ZC3H7B: variants seen among roughly 807,000 people sequenced by gnomAD.
ZC3H7B encodes the protein zinc finger CCCH-type containing 7B, also known as zinc finger CCCH domain-containing protein 7B.
Under a neutral mutation model 116.0 loss-of-function variants are expected in ZC3H7B, and 35 were observed. The ratio of observed to expected loss-of-function variants is 0.30; its 90% CI spans 0.23 to 0.40. The LOEUF (loss-of-function observed/expected upper bound fraction) is 0.40. Ranked by LOEUF, ZC3H7B falls within the 10% of genes least tolerant of loss-of-function variation. ZC3H7B has a pLI of 1.00. For synonymous variants in ZC3H7B, 502 were observed against 545.6 expected, an observed-to-expected ratio of 0.92 and a Z score of 1.11; for missense variants, 1,011 against 1,321.5, an observed-to-expected ratio of 0.77 and a Z score of 3.64.
chr22:41,314,724 C>T (rs886399222), intron 1 of ZC3H7B, among the ~76,000 whole-genome samples: 2 of 151,706 alleles, frequency 1.3e-5, no homozygotes, highest in Admixed American at 1.3e-4. Context: ...ATTCTTCTGC[C>T]TCAGCCTCCC....
rs1412821571 is a variant in ZC3H7B, at chr22:41,325,702, C to T, written c.88-19C>T. The stretch of plus-strand genomic sequence containing the variant: ...GGGGCCAGAGGTCATGAGCCCCCTA[C>T]ACACCTTGCCCCCAACAGGCCTTTC... On this transcript the variant is annotated intron_variant, in intron 3 of 22. Coordinates refer to ENST00000352645, the MANE Select transcript of ZC3H7B (RefSeq NM_017590.6). 2 of 1,610,244 alleles carry T rather than the reference C, an allele frequency of 1.2e-6. No individual in the cohort carries two copies. Among genetic ancestry groups the T allele is most frequent in the Admixed American group, 1.7e-5 (1 of 59,130 alleles).
Position 41,359,328 on chromosome 22 carries a change from A to G in ZC3H7B, c.*1899A>G, listed in dbSNP as rs2036759347. 6.6e-6 allele frequency: 1 copy of G among 152,498 alleles called. No individual in the cohort carries two copies. The allele number at this position is 152,498 out of a possible 1,614,324, so 9.4% of individuals were successfully genotyped here. Reference sequence around the variant, plus strand: ...TATATCGCTCTATATAATATTATATATGTGTGTGGTATCCAAGGAATCACT... The same window carrying G: ...TATATCGCTCTATATAATATTATATGTGTGTGTGGTATCCAAGGAATCACT... On this transcript the variant is annotated 3_prime_UTR_variant, in exon 23 of 23. Transcript: ENST00000352645.
At chr22:41,352,761 C>G (rs1331776179) in intron 17 of ZC3H7B, among the ~76,000 whole-genome samples, 1 of 151,488 alleles carries the variant, frequency 6.6e-6, no homozygotes, top group East Asian at 1.9e-4. Context: ...GACTCCGTCT[C>G]AAAAAATAAA....
In ZC3H7B at chr22:41,302,239, C is replaced by T. The variant is rs1018969479; in HGVS notation, c.-7+467C>T. Among the ~76,000 whole-genome samples, 1 of 151,622 alleles carries T rather than the reference C, an allele frequency of 6.6e-6. No individual in the cohort carries two copies. Among genetic ancestry groups the T allele is most frequent in the African/African-American group, 2.4e-5 (1 of 41,308 alleles). On this transcript the variant is annotated intron_variant, in intron 1 of 22. Transcript: ENST00000352645. The surrounding 1 kb of genome is among the most constrained non-coding windows in gnomAD (Gnocchi z 5.7). ...CCCTTCCTTTTGTGTTGTCCTTGGC[C>T]CCGCAGCACCCGGAGTTGGAGGGGC...
chr22:41,349,174 G>A lies in ZC3H7B; in HGVS notation c.1821G>A (p.Gln607=). The A allele has an allele frequency of 6.2e-7, 1 of 1,613,908 alleles. No individual in the cohort carries two copies. Among genetic ancestry groups the A allele is most frequent in the Non-Finnish European group, 8.5e-7 (1 of 1,180,024 alleles). The part of the protein sequence containing the change: ...STSLKYSKIR[Q]FQEHFQFDVC... ...CCCTCAAGTACTCCAAGATCCGCCA[G>A]TTCCAGGAGCACTTCCAGTTCGACG... Residue 607 remains glutamine, a synonymous_variant, in exon 16 of 23, where the codon CAG becomes CAA. Coordinates refer to ENST00000352645, the MANE Select transcript of ZC3H7B (RefSeq NM_017590.6). The surrounding 1 kb of genome is among the most constrained non-coding windows in gnomAD (Gnocchi z 4.9).
At chr22:41,356,164 G>T in intron 20 of ZC3H7B, 102 bp downstream of exon 20, 1 of 1,435,706 alleles carries the variant, frequency 7.0e-7, no homozygotes, top group Non-Finnish European at 9.4e-7. Context: ...GCACCCCTTT[G>T]CTACCTGGGC....
In ZC3H7B at chr22:41,304,176, AG is replaced by A. The variant is rs1483281963; in HGVS notation, c.-7+2407del. On this transcript the variant is annotated intron_variant, in intron 1 of 22. Transcript: ENST00000352645. ...TCCTGCCTTGGCCTCCCAAAGGGAT[AG>A]GGTTACAGGCATGAGCCACCACACC... Among the ~76,000 whole-genome samples the A allele has an allele frequency of 3.9e-5, 6 of 152,182 alleles. 1 individual carries two copies. The East Asian group carries it at 1.2e-3, about 29-fold the overall frequency.
In ZC3H7B at chr22:41,339,175, C is replaced by A. The variant is rs749920958; in HGVS notation, c.800C>A (p.Thr267Asn). Reference protein sequence around the residue: ...DGDVFGPELDTLLDSLSLVQG... With the variant: ...DGDVFGPELDNLLDSLSLVQG... The stretch of plus-strand genomic sequence containing the variant: ...GATGTCTTTGGCCCAGAGCTGGACA[C>A]CCTCCTGGACTCGCTGGTGAGCCAC... Residue 267 changes from threonine (T) to asparagine (N), a missense_variant, in exon 9 of 23, where the codon ACC becomes AAC. Around this residue, in one of 5 missense-constraint regions of ZC3H7B, gnomAD observed 322 missense variants for 443.9 expected, o/e 0.73. Coordinates refer to ENST00000352645, the MANE Select transcript of ZC3H7B (RefSeq NM_017590.6). 2.4e-5 allele frequency: 39 copies of A among 1,609,550 alleles called. No homozygotes were observed. The highest frequency in any genetic ancestry group is 2.7e-5 in the African/African-American group (2 of 74,854).
chr22:41,331,521 C>T (rs2036384199), intron 6 of ZC3H7B, among the ~76,000 whole-genome samples: 1 of 145,938 alleles, frequency 6.9e-6, no homozygotes, highest in Admixed American at 7.0e-5. Context: ...TGCCACTGCA[C>T]TCCAGCCTGG....
rs760832297 is a variant in ZC3H7B, at chr22:41,340,147, T to C, written c.1138+10T>C. The C allele has an allele frequency of 2.5e-6, 4 of 1,588,520 alleles. No individual in the cohort carries two copies. In the Admixed American group the frequency reaches 6.8e-5, roughly 27 times the overall value. On this transcript the variant is annotated intron_variant, in intron 10 of 22. Transcript: ENST00000352645. ...CCTGACTCCTTCATGGGTAAGGCCA[T>C]GGGTGGGCCCGTTCAACCTCCCTGG...
rs897287291 is a variant in ZC3H7B at position 41,349,357 on chromosome 22, C to T, written c.1948+56C>T. ...GGTGACTCAGGTGAGGGGTAGGCGGCGCAGGTGAAGGGAGCGCAGGACTGA... is the reference window on the plus strand; with the variant it reads ...GGTGACTCAGGTGAGGGGTAGGCGGTGCAGGTGAAGGGAGCGCAGGACTGA... On this transcript the variant is annotated intron_variant, in intron 16 of 22. Coordinates refer to ENST00000352645, the MANE Select transcript of ZC3H7B (RefSeq NM_017590.6). This position sits in a 1 kb window ranked among gnomAD's most constrained non-coding sequence, Gnocchi z 4.9. 6.3e-6 allele frequency: 10 copies of T among 1,594,172 alleles called. No homozygotes were observed. The highest frequency in any genetic ancestry group is 6.8e-6 in the Non-Finnish European group (8 of 1,169,692).
At chr22:41,311,781 A>T (rs1798809365) in intron 1 of ZC3H7B, among the ~76,000 whole-genome samples, 1 of 152,016 alleles carries the variant, frequency 6.6e-6, no homozygotes, top group Admixed American at 6.6e-5. Context: ...CTTAAATGGA[A>T]GCTCGGGGAT....
Position 41,356,947 on chromosome 22 carries a change from T to C in ZC3H7B, c.2681+139T>C, listed in dbSNP as rs1601800098. On this transcript the variant is annotated intron_variant, in intron 22 of 22. Coordinates refer to ENST00000352645, the MANE Select transcript of ZC3H7B (RefSeq NM_017590.6). Reference sequence around the variant, plus strand: ...TTGGCTGTGACTGCAGCCATGGGGGTGGTGGGGAAGGGTGGATGGGAGGGC... The same window carrying C: ...TTGGCTGTGACTGCAGCCATGGGGGCGGTGGGGAAGGGTGGATGGGAGGGC... 4.2e-5 allele frequency: 57 copies of C among 1,344,226 alleles called. 1 individual carries two copies. In the South Asian group the frequency reaches 6.8e-4, roughly 16 times the overall value. 83.3% of individuals were successfully genotyped at this position (1,344,226 alleles called of 1,614,324 possible). A position where few individuals can be genotyped will look rare whatever the true frequency, so the allele number is the denominator to read the frequency against.
rs188325716 is a variant in ZC3H7B at position 41,338,416 on chromosome 22, G to T, written c.625+61G>T. ...GGGGCCCCGAGAGGTCAGGGGAGTC[G>T]AGCCCCCTCCCCATCCCAGCCCTGT... On this transcript the variant is annotated intron_variant, in intron 8 of 22. Transcript: ENST00000352645. This position sits in a 1 kb window ranked among gnomAD's most constrained non-coding sequence, Gnocchi z 4.5. 1.3e-5 allele frequency: 20 copies of T among 1,570,552 alleles called. 1 individual carries two copies. Among genetic ancestry groups the T allele is most frequent in the East Asian group, 9.1e-5 (4 of 43,954 alleles).
At chr22:41,319,210 G>T (rs187034256) in intron 1 of ZC3H7B, among the ~76,000 whole-genome samples, 1 of 152,118 alleles carries the variant, frequency 6.6e-6, no homozygotes, top group Admixed American at 6.6e-5. Context: ...GACCATCCTG[G>T]CTAACACGGT....
At chr22:41,319,138 A>G (rs2036220698) in intron 1 of ZC3H7B, among the ~76,000 whole-genome samples, 3 of 152,160 alleles carry the variant, frequency 2.0e-5, no homozygotes. Flanking sequence ...ACAGTGGCTC[A>G]CGCCTGTAAT....
chr22:41,311,264 T>G (rs977675917), intron 1 of ZC3H7B, among the ~76,000 whole-genome samples: 2 of 151,448 alleles, frequency 1.3e-5, no homozygotes, highest in African/African-American at 4.9e-5. Flanking sequence ...GCCGTGCTTG[T>G]GGAGAGGATA....
At chr22:41,331,079 G>A (rs1387495595) in intron 6 of ZC3H7B, among the ~76,000 whole-genome samples, 2 of 142,700 alleles carry the variant, frequency 1.4e-5, no homozygotes, top group African/African-American at 2.5e-5. Flanking sequence ...CCGTGGTCTC[G>A]ATCTCCTGAC....
rs776506616 is a variant in ZC3H7B, at chr22:41,320,748, G to A, written c.53+35G>A. The A allele has an allele frequency of 9.3e-6, 15 of 1,604,350 alleles. No homozygotes were observed. The East Asian group carries it at 3.4e-4, about 36-fold the overall frequency. Reference sequence around the variant, plus strand: ...CATGCGGCAGGGGCTGGACGGCTGGGTGGGCAAGGGTGGGTTCTCTGAGAG... The same window carrying A: ...CATGCGGCAGGGGCTGGACGGCTGGATGGGCAAGGGTGGGTTCTCTGAGAG... On this transcript the variant is annotated intron_variant, in intron 2 of 22. Coordinates refer to ENST00000352645, the MANE Select transcript of ZC3H7B (RefSeq NM_017590.6).
Sources: allele counts gnomAD v4.1 joint callset (sites outside exome capture counted in the v4.1 genomes callset), GRCh38; gene constraint gnomAD v4.1.1; regional missense constraint gnomAD v4.1.1; non-coding constraint Gnocchi (gnomAD v3.1); transcripts MANE v1.5; gene names NCBI Gene and HGNC (gene_info 2026-07-23, HGNC 2026-07-21).